Variants in AMMECR1 observed in about 807,000 individuals in gnomAD.
The protein encoded by AMMECR1 is nuclear protein AMMECR1.
Under a neutral mutation model 22.5 loss-of-function variants are expected in AMMECR1, and 3 were observed. The observed-to-expected ratio is 0.13, with a 90% confidence interval of 0.06 to 0.35. The LOEUF (loss-of-function observed/expected upper bound fraction) is 0.35, where lower values mean the gene tolerates loss of function less well. AMMECR1 is among the 10% of genes least tolerant of loss of function. The pLI is 1.00. For missense variants in AMMECR1, 235 were observed against 278.7 expected (o/e 0.84, Z 1.12); for synonymous variants, 130 against 116.7 (o/e 1.11, Z -0.74).
At chrX:110,317,302 G>A (rs1242762772) in intron 1 of AMMECR1, among the ~76,000 whole-genome samples, 1 of 111,280 alleles carries the variant, frequency 9.0e-6, no homozygotes, top group East Asian at 2.8e-4. Context: ...GGTGGTGGGG[G>A]TGGTGAAGGA....
chrX:110,404,826 G>A (rs914029935), intron 2 of AMMECR1, among the ~76,000 whole-genome samples: 4 of 111,391 alleles, frequency 3.6e-5, no homozygotes, highest in African/African-American at 1.3e-4. Flanking sequence ...TGTAACTCAC[G>A]ATTTTTCTTG....
At chrX:110,368,072 CTAAAGT>C (rs2068311159) in intron 2 of AMMECR1, among the ~76,000 whole-genome samples, 1 of 106,931 alleles carries the variant, frequency 9.4e-6, no homozygotes, top group African/African-American at 3.4e-5. Flanking sequence ...AACTTCTGGC[CTAAAGT>C]TATTTTCCCA....
intron 2 of AMMECR1, among the ~76,000 whole-genome samples, chrX:110,401,092 T>A (rs773722032): frequency 8.9e-6 from 1 of 112,538 alleles, no homozygotes; most frequent in Non-Finnish European, 1.9e-5. Flanking sequence ...GTTTTACAGA[T>A]GAAAGTGGAA....
intron 2 of AMMECR1, among the ~76,000 whole-genome samples, chrX:110,329,985 C>T (rs1377344887): frequency 8.9e-6 from 1 of 111,819 alleles, no homozygotes; most frequent in Non-Finnish European, 1.9e-5. Flanking sequence ...GTTTTCTCTA[C>T]TCCTGCTCTG....
chrX:110,329,093 C>T (rs773640753), intron 2 of AMMECR1, among the ~76,000 whole-genome samples: 25 of 112,318 alleles, frequency 2.2e-4, no homozygotes, highest in East Asian at 1.1e-3. Context: ...AATGTAAAAG[C>T]GTTCCCATTT....
In AMMECR1 at chrX:110,241,602, T is replaced by C. The variant is rs374874747; in HGVS notation, c.584+22887A>G. Among the ~76,000 whole-genome samples the C allele has an allele frequency of 4.0e-3, 431 of 108,573 alleles. 3 individuals are homozygous for C. The highest frequency in any genetic ancestry group is 0.014 in the African/African-American group (410 of 29,801). 94.3% of individuals were successfully genotyped at this position (108,573 alleles called of 115,157 possible). On this transcript the variant is annotated intron_variant, in intron 2 of 5. Coordinates refer to ENST00000262844, the MANE Select transcript of AMMECR1 (RefSeq NM_015365.3). ...GCATGTTCTCACTCACATGTAGGAG[T>C]TGAACAATGAGAACACATGGACACA...
chrX:110,252,458 G>T (rs2067690850), intron 2 of AMMECR1, among the ~76,000 whole-genome samples: 1 of 110,932 alleles, frequency 9.0e-6, no homozygotes, highest in Non-Finnish European at 1.9e-5. Context: ...TTATAAAAAT[G>T]ACTGCATCAT....
At chrX:110,315,404 A>G (rs777663694) in intron 1 of AMMECR1, among the ~76,000 whole-genome samples, 47 of 112,229 alleles carry the variant, frequency 4.2e-4, no homozygotes, top group Non-Finnish European at 7.7e-4. Context: ...GGTCTGCTAG[A>G]TGATAATAGT....
chrX:110,343,113 A>G (rs1347254016), intron 2 of AMMECR1, among the ~76,000 whole-genome samples: 4 of 112,088 alleles, frequency 3.6e-5, no homozygotes, highest in African/African-American at 1.3e-4. Flanking sequence ...GGCAAACTGA[A>G]TCCAGCACCA....
intron 2 of AMMECR1, among the ~76,000 whole-genome samples, chrX:110,336,556 AC>A (rs1232282640): frequency 1.8e-3 from 195 of 110,229 alleles, no homozygotes; most frequent in African/African-American, 6.3e-3. Flanking sequence ...AAACAAAAAA[AC>A]AAAAAAAATT....
chrX:110,259,221 C>A (rs2067726174), intron 2 of AMMECR1, among the ~76,000 whole-genome samples: 1 of 111,390 alleles, frequency 9.0e-6, no homozygotes, highest in African/African-American at 3.3e-5. Flanking sequence ...AATAAAACTC[C>A]AAAACAAAAC....
At position 110,196,211 on chromosome X, in the gene AMMECR1, ACAC is replaced by A. The variant is rs1031774686; in HGVS notation, c.*2306_*2308del. ...TGTATGTGTAAGTATATGTACACACACACATCTATGTATGTAATAAATCTTTGC... is the reference window on the plus strand; with the variant it reads ...TGTATGTGTAAGTATATGTACACACAATCTATGTATGTAATAAATCTTTGC... On this transcript the variant is annotated 3_prime_UTR_variant, in exon 6 of 6. Transcript: ENST00000262844. 4.5e-5 allele frequency: 5 copies of A among 111,592 alleles called. No homozygotes were observed. Among genetic ancestry groups the A allele is most frequent in the African/African-American group, 1.3e-4 (4 of 30,709 alleles). The allele number at this position is 111,592 out of a possible 1,213,427, so 9.2% of individuals were successfully genotyped here. A position where few individuals can be genotyped will look rare whatever the true frequency, so the allele number is the denominator to read the frequency against.
chrX:110,435,010 C>A (rs2068826190), intron 1 of AMMECR1, among the ~76,000 whole-genome samples: 1 of 102,223 alleles, frequency 9.8e-6, no homozygotes, highest in Non-Finnish European at 2.0e-5. Flanking sequence ...TGCACTCAGG[C>A]CAGTGACAGA....
chrX:110,235,104 C>A (rs1222442207), intron 2 of AMMECR1, among the ~76,000 whole-genome samples: 1 of 112,025 alleles, frequency 8.9e-6, no homozygotes, highest in Non-Finnish European at 1.9e-5. Context: ...TAATTAATAT[C>A]CAGAATCTAC....
chrX:110,298,485 T>TA (rs1237065691), intron 1 of AMMECR1, among the ~76,000 whole-genome samples: 1 of 110,682 alleles, frequency 9.0e-6, no homozygotes, highest in Non-Finnish European at 1.9e-5. Context: ...GCAGGTATGA[T>TA]ATGAAAACAA....
chrX:110,236,643 T>C, intron 2 of AMMECR1, among the ~76,000 whole-genome samples: 1 of 112,462 alleles, frequency 8.9e-6, no homozygotes, highest in Non-Finnish European at 1.9e-5. Flanking sequence ...AGCTGGTAAA[T>C]AAATATTTAG....
chrX:110,202,223 A>G (rs749251149), intron 4 of AMMECR1, among the ~76,000 whole-genome samples: 12 of 112,427 alleles, frequency 1.1e-4, no homozygotes, highest in African/African-American at 3.9e-4. Context: ...TAAAAAATAT[A>G]CACTTATGGG....
At chrX:110,406,740 C>G (rs1161088066) in intron 2 of AMMECR1, among the ~76,000 whole-genome samples, 5 of 112,160 alleles carry the variant, frequency 4.5e-5, no homozygotes, top group Non-Finnish European at 9.4e-5. Context: ...AAGCATTCCT[C>G]TTTTTGGTTC....
At chrX:110,245,476 G>A (rs1432229692) in intron 2 of AMMECR1, among the ~76,000 whole-genome samples, 1 of 110,734 alleles carries the variant, frequency 9.0e-6, no homozygotes, top group Non-Finnish European at 1.9e-5. Context: ...TATTGCAGGG[G>A]GAATGACAAG....
Sources: allele counts gnomAD v4.1 joint callset (sites outside exome capture counted in the v4.1 genomes callset), GRCh38; gene constraint gnomAD v4.1.1; transcripts MANE v1.5; gene names NCBI Gene and HGNC (gene_info 2026-07-23, HGNC 2026-07-21).